The following ZNF672 variants were observed in gnomAD, a reference collection of about 807,000 sequenced individuals.
The protein encoded by ZNF672 is hypothetical protein FLJ22301.
For synonymous variants in ZNF672, 358 were observed against 305.6 expected, an observed-to-expected ratio of 1.17 and a Z score of -1.79; for missense variants, 733 against 701.1, an observed-to-expected ratio of 1.05 and a Z score of -0.51.
At position 248,848,618 on chromosome 1, in the gene ZNF672, G is replaced by T. The variant is rs1659264173; in HGVS notation, c.1344G>T (p.Gly448=). 1.3e-6 allele frequency: 2 copies of T among 1,578,336 alleles called. No homozygotes were observed. Among genetic ancestry groups the T allele is most frequent in the Non-Finnish European group, 1.7e-6 (2 of 1,159,986 alleles). The change falls in exon 4 of 4, where the codon GGG becomes GGT. Residue 448 remains glycine, a synonymous_variant. Coordinates refer to ENST00000306562, the MANE Select transcript of ZNF672 (RefSeq NM_024836.3). ...FEGPAEQEKP[G]FSVS ...GGCCGGCTGAACAGGAAAAGCCAGG[G>T]TTCTCTGTGTCCTAGTTGAGGGAGG...
chr1:248,845,387 G>A (rs1162214501), intron 2 of ZNF672, among the ~76,000 whole-genome samples, 179 bp from the exon 3 acceptor site: 1 of 152,120 alleles, frequency 6.6e-6, no homozygotes, highest in East Asian at 1.9e-4. Context: ...AAGTGGAGTG[G>A]GGGTGTGGAT....
Position 248,848,814 on chromosome 1 carries a change from C to A in ZNF672, c.*181C>A. 1 of 900,426 alleles carries A rather than the reference C, an allele frequency of 1.1e-6. No individual in the cohort carries two copies. Among genetic ancestry groups the A allele is most frequent in the Non-Finnish European group, 1.8e-6 (1 of 554,458 alleles). The allele number at this position is 900,426 out of a possible 1,614,324, so 55.8% of individuals were successfully genotyped here. A position where few individuals can be genotyped will look rare whatever the true frequency, so the allele number is the denominator to read the frequency against. On this transcript the variant is annotated 3_prime_UTR_variant, in exon 4 of 4. Coordinates refer to ENST00000306562, the MANE Select transcript of ZNF672 (RefSeq NM_024836.3). ...TCCTGCCTCGCCTCTACACCTACTACCCTGTCGGCCCTTTTGCCATGCTGT... is the reference window on the plus strand; with the variant it reads ...TCCTGCCTCGCCTCTACACCTACTAACCTGTCGGCCCTTTTGCCATGCTGT...
At position 248,849,220 on chromosome 1, in the gene ZNF672, C is replaced by A. The variant is rs1572201871; in HGVS notation, c.*587C>A. On this transcript the variant is annotated 3_prime_UTR_variant, in exon 4 of 4. Transcript: ENST00000306562. ...TCTCCATGCTAGGAGCTGCCTGCAC[C>A]CTGGCAGAGGTGGCCAGTCACGTGA... The A allele has an allele frequency of 2.5e-6, 1 of 407,348 alleles. No individual in the cohort carries two copies. The highest frequency in any genetic ancestry group is 7.1e-5 in the East Asian group (1 of 14,070). The allele number at this position is 407,348 out of a possible 1,614,324, so 25.2% of individuals were successfully genotyped here.
chr1:248,848,723 A>G lies in ZNF672; in HGVS notation c.*90A>G. The G allele has an allele frequency of 4.1e-6, 6 of 1,471,276 alleles. No individual in the cohort carries two copies. Among genetic ancestry groups the G allele is most frequent in the Admixed American group, 2.5e-5 (1 of 39,746 alleles). 91.1% of individuals were successfully genotyped at this position (1,471,276 alleles called of 1,614,324 possible). A position where few individuals can be genotyped will look rare whatever the true frequency, so the allele number is the denominator to read the frequency against. On this transcript the variant is annotated 3_prime_UTR_variant, in exon 4 of 4. Coordinates refer to ENST00000306562, the MANE Select transcript of ZNF672 (RefSeq NM_024836.3). Reference sequence around the variant, plus strand: ...GACAGTTGAGGCAACTCGTAGATGGAGATTTGGGAAAAGACGATGTGGCCT... The same window carrying G: ...GACAGTTGAGGCAACTCGTAGATGGGGATTTGGGAAAAGACGATGTGGCCT...
At position 248,847,426 on chromosome 1, in the gene ZNF672, G is replaced by A. The variant is rs1396581906; in HGVS notation, c.152G>A (p.Cys51Tyr). ...CGTTGCCTAGAATGCGGTGAGCGCT[G>A]TGCACGGGCTGCTGACCTCCGAGCG... ...RFRCLECGERCARAADLRAHR... is the reference protein window; with the variant it reads ...RFRCLECGERYARAADLRAHR... Residue 51 changes from cysteine to tyrosine, a missense_variant, in exon 4 of 4, where the codon TGT becomes TAT. Coordinates refer to ENST00000306562, the MANE Select transcript of ZNF672 (RefSeq NM_024836.3). 1.3e-6 allele frequency: 2 copies of A among 1,592,046 alleles called. No individual in the cohort carries two copies. The highest frequency in any genetic ancestry group is 3.5e-5 in the Admixed American group (2 of 56,676).
In ZNF672 at chr1:248,847,290, G is replaced by A. The variant is rs576263422; in HGVS notation, c.16G>A (p.Gly6Arg). The A allele has an allele frequency of 8.1e-6, 13 of 1,601,890 alleles. No individual in the cohort carries two copies. Among genetic ancestry groups the A allele is most frequent in the South Asian group, 2.2e-5 (2 of 90,886 alleles). Residue 6 changes from glycine (G) to arginine (R), a missense_variant, in exon 4 of 4, where the codon GGG becomes AGG. Physicochemically the swap from Gly to Arg is moderately radical, Grantham distance 125. Coordinates refer to ENST00000306562, the MANE Select transcript of ZNF672 (RefSeq NM_024836.3). MFATS[G>R]AVAAGKPYSC... ...CGTCCTCACCATGTTTGCCACATCT[G>A]GGGCAGTGGCAGCGGGGAAGCCTTA...
chr1:248,846,301 G>A (rs1410142567), intron 3 of ZNF672, among the ~76,000 whole-genome samples: 1 of 152,146 alleles, frequency 6.6e-6, no homozygotes, highest in East Asian at 1.9e-4. Context: ...AAGTGTTCTT[G>A]GATAATGCCA....
chr1:248,843,697 A>G (rs1023312790), intron 1 of ZNF672, among the ~76,000 whole-genome samples: 2 of 152,352 alleles, frequency 1.3e-5, no homozygotes, highest in Non-Finnish European at 2.9e-5. Context: ...GATATATTTC[A>G]TTTAACCTAA....
At chr1:248,846,213 C>T (rs944810853) in intron 3 of ZNF672, among the ~76,000 whole-genome samples, 1 of 152,208 alleles carries the variant, frequency 6.6e-6, no homozygotes, top group Non-Finnish European at 1.5e-5. Context: ...CAAACCTTCA[C>T]AAACAACTTG....
intron 1 of ZNF672, among the ~76,000 whole-genome samples, chr1:248,840,516 T>C (rs1664656868): frequency 6.6e-6 from 1 of 152,240 alleles, no homozygotes; most frequent in African/African-American, 2.4e-5. Context: ...GCTACACAGG[T>C]TGCAGGCTCA....
chr1:248,849,039 A>G lies in ZNF672; in HGVS notation c.*406A>G, dbSNP rs994279563. Reference sequence around the variant, plus strand: ...GCCCACATCTTCTCCTTTCCTGATTACTTTTGTTGTCCTGCCTCTTCAGGT... The same window carrying G: ...GCCCACATCTTCTCCTTTCCTGATTGCTTTTGTTGTCCTGCCTCTTCAGGT... On this transcript the variant is annotated 3_prime_UTR_variant, in exon 4 of 4. Transcript: ENST00000306562. 1.0e-5 allele frequency: 5 copies of G among 495,256 alleles called. No homozygotes were observed. The highest frequency in any genetic ancestry group is 6.2e-4 in the Middle Eastern group (2 of 3,222). The allele number at this position is 495,256 out of a possible 1,614,324, so 30.7% of individuals were successfully genotyped here.
intron 1 of ZNF672, chr1:248,838,935 C>G (rs1664622407): frequency 6.6e-6 from 1 of 152,030 alleles, no homozygotes; most frequent in Admixed American, 6.5e-5. Flanking sequence ...GCTGGCGCCA[C>G]GGGCAAGGGG....
At chr1:248,840,280 C>T (rs1222698365) in intron 1 of ZNF672, among the ~76,000 whole-genome samples, 3 of 151,582 alleles carry the variant, frequency 2.0e-5, no homozygotes, top group Non-Finnish European at 4.4e-5. Flanking sequence ...TTAGTAGAGA[C>T]GGGGTTTCAC....
At position 248,844,540 on chromosome 1, in the gene ZNF672, G is replaced by T. The variant is rs1425471881; in HGVS notation, c.-417G>T. 3.9e-5 allele frequency: 6 copies of T among 152,210 alleles called. No individual in the cohort carries two copies. Among genetic ancestry groups the T allele is most frequent in the African/African-American group, 1.4e-4 (6 of 41,438 alleles). 9.4% of individuals were successfully genotyped at this position (152,210 alleles called of 1,614,324 possible). A position where few individuals can be genotyped will look rare whatever the true frequency, so the allele number is the denominator to read the frequency against. On this transcript the variant is annotated 5_prime_UTR_variant, in exon 2 of 4. Coordinates refer to ENST00000306562, the MANE Select transcript of ZNF672 (RefSeq NM_024836.3). ...GGGATGAGCTCCAGCATGGGGTGAG[G>T]TACAGAAGAGAGACTTGAAGAGCGT...
Position 248,847,711 on chromosome 1 carries a change from A to T in ZNF672, c.437A>T (p.Gln146Leu). The T allele has an allele frequency of 6.9e-7, 1 of 1,451,644 alleles. No individual in the cohort carries two copies. Among genetic ancestry groups the T allele is most frequent in the African/African-American group, 1.4e-5 (1 of 69,124 alleles). 89.9% of individuals were successfully genotyped at this position (1,451,644 alleles called of 1,614,324 possible). ...CGGCAGAGCGCGCTGCTCTTCCACC[A>T]GGCGCGGGCGCACCCCTTGGGGACA... ...TFRQSALLFH[Q>L]ARAHPLGTTS... is the part of the protein sequence containing the mutation. Residue 146 changes from glutamine (Q) to leucine (L), a missense_variant, in exon 4 of 4, where the codon CAG becomes CTG. Gln to Leu is a moderately radical substitution (Grantham distance 113). Transcript: ENST00000306562.
Position 248,847,687 on chromosome 1 carries a change from G to A in ZNF672, c.413G>A (p.Arg138Gln). ...RRCPLCARTF[R>Q]QSALLFHQAR... is the part of the protein sequence containing the mutation. ...TGCCCGCTGTGCGCCCGCACCTTCC[G>A]GCAGAGCGCGCTGCTCTTCCACCAG... Residue 138 changes from arginine (R) to glutamine (Q), a missense_variant, in exon 4 of 4, where the codon CGG becomes CAG. Physicochemically the swap from Arg to Gln is conservative, Grantham distance 43 (BLOSUM62 1). Coordinates refer to ENST00000306562, the MANE Select transcript of ZNF672 (RefSeq NM_024836.3). 3 of 1,466,604 alleles carry A rather than the reference G, an allele frequency of 2.0e-6. No homozygotes were observed. Among genetic ancestry groups the A allele is most frequent in the East Asian group, 2.6e-5 (1 of 38,470 alleles). 90.8% of individuals were successfully genotyped at this position (1,466,604 alleles called of 1,614,324 possible).
chr1:248,847,175 T>G lies in ZNF672; in HGVS notation c.-100T>G, dbSNP rs971532708. On this transcript the variant is annotated 5_prime_UTR_variant, in exon 4 of 4. Transcript: ENST00000306562. ...CCTCCCCCTTTCCTCTCTGTTACAG[T>G]GCCCTTTCCAGGCCTTAAGAGAAGT... The G allele has an allele frequency of 4.1e-6, 6 of 1,454,918 alleles. No individual in the cohort carries two copies. The African/African-American group carries it at 8.4e-5, about 20-fold the overall frequency. The allele number at this position is 1,454,918 out of a possible 1,614,324, so 90.1% of individuals were successfully genotyped here. A position where few individuals can be genotyped will look rare whatever the true frequency, so the allele number is the denominator to read the frequency against.
rs1558236312 is a variant in ZNF672 at position 248,838,418 on chromosome 1, C to A, written c.-608C>A. The A allele has an allele frequency of 6.6e-6, 1 of 152,184 alleles. No homozygotes were observed. The highest frequency in any genetic ancestry group is 1.5e-5 in the Non-Finnish European group (1 of 68,074). The allele number at this position is 152,184 out of a possible 1,614,324, so 9.4% of individuals were successfully genotyped here. A position where few individuals can be genotyped will look rare whatever the true frequency, so the allele number is the denominator to read the frequency against. On this transcript the variant is annotated 5_prime_UTR_variant, in exon 1 of 4. Coordinates refer to ENST00000306562, the MANE Select transcript of ZNF672 (RefSeq NM_024836.3). ...CCGGACGCTCGGGCGCCTCCCCGCT[C>A]CCCCCACTCGGAGGCCGCGCGCGCC... is the stretch of plus-strand genomic sequence containing the variant.
At chr1:248,846,140 A>C (rs945628270) in intron 3 of ZNF672, among the ~76,000 whole-genome samples, 4 of 152,214 alleles carry the variant, frequency 2.6e-5, no homozygotes, top group African/African-American at 9.6e-5. Context: ...TGGCTGAGAC[A>C]GTGAGGAAAT....
Sources: gnomAD v4.1 joint callset for allele counts (sites outside exome capture counted in the v4.1 genomes callset) on GRCh38, gnomAD v4.1.1 for gene constraint, MANE v1.5 for transcripts, NCBI Gene and HGNC (gene_info 2026-07-23, HGNC 2026-07-21) for gene names.